The following MAML3 variants were observed in gnomAD, a reference collection of about 807,000 sequenced individuals.
MAML3 encodes the protein mastermind-like protein 3.
Under a neutral mutation model 101.9 loss-of-function variants are expected in MAML3, and 27 were observed. That is an observed-to-expected ratio of 0.27 (90% CI 0.20 to 0.37). MAML3 has a LOEUF of 0.37. Ranked by LOEUF, MAML3 falls within the 10% of genes least tolerant of loss-of-function variation. MAML3 has a pLI of 1.00. For synonymous variants in MAML3, 501 were observed against 555.9 expected, an observed-to-expected ratio of 0.90 and a Z score of 1.39; for missense variants, 1,316 against 1,444.9, an observed-to-expected ratio of 0.91 and a Z score of 1.45.
intron 1 of MAML3, among the ~76,000 whole-genome samples, chr4:139,996,933 T>C (rs893894103): frequency 6.6e-6 from 1 of 151,988 alleles, no homozygotes; most frequent in Non-Finnish European, 1.5e-5. Flanking sequence ...GGTACGTGCC[T>C]GTAATCTCAG....
intron 2 of MAML3, among the ~76,000 whole-genome samples, chr4:139,746,550 G>T (rs777771483): frequency 3.3e-5 from 5 of 152,116 alleles, no homozygotes; most frequent in Non-Finnish European, 1.5e-5. Flanking sequence ...TCACCTATTT[G>T]TTCTGTCTTC....
chr4:139,805,924 G>A (rs906312183), intron 2 of MAML3, among the ~76,000 whole-genome samples: 5 of 152,094 alleles, frequency 3.3e-5, no homozygotes, highest in African/African-American at 1.2e-4. Flanking sequence ...TTCATTATCT[G>A]TTAAAAATAT....
intron 1 of MAML3, among the ~76,000 whole-genome samples, chr4:139,942,165 G>A (rs1388278796): frequency 1.4e-5 from 2 of 147,416 alleles, no homozygotes; most frequent in African/African-American, 5.1e-5. Flanking sequence ...ACGGAGGGAG[G>A]GAGGGAAGGC....
Position 139,970,372 on chromosome 4 carries a change from G to A in MAML3, c.469-79405C>T, listed in dbSNP as rs534258369. On this transcript the variant is annotated intron_variant, in intron 1 of 4. Coordinates refer to ENST00000509479, the MANE Select transcript of MAML3 (RefSeq NM_018717.5). ...ACAAAGGCAGGAGAGTAGCCAGGGG[G>A]ATTGAAGCACAGTCTGTGGAGGACT... Among the ~76,000 whole-genome samples the A allele has an allele frequency of 5.3e-5, 8 of 152,314 alleles. No homozygotes were observed. The South Asian group carries it at 1.7e-3, about 32-fold the overall frequency.
intron 1 of MAML3, among the ~76,000 whole-genome samples, chr4:139,939,559 G>C (rs1363005287): frequency 6.6e-6 from 1 of 151,896 alleles, no homozygotes; most frequent in Non-Finnish European, 1.5e-5. Flanking sequence ...TCAACAAGGG[G>C]GTCTTTGCTG....
At chr4:139,990,417 A>G (rs1734643977) in intron 1 of MAML3, among the ~76,000 whole-genome samples, 2 of 151,358 alleles carry the variant, frequency 1.3e-5, no homozygotes, top group Non-Finnish European at 2.9e-5. Context: ...AATAAGAGCT[A>G]TCTATGACAA....
chr4:139,754,784 T>C (rs1157313175), intron 2 of MAML3, among the ~76,000 whole-genome samples: 1 of 152,332 alleles, frequency 6.6e-6, no homozygotes, highest in Admixed American at 6.5e-5. Flanking sequence ...CCCAGTGCAA[T>C]TGTGATTCTT....
chr4:140,136,595 T>C (rs1270179884), intron 1 of MAML3, among the ~76,000 whole-genome samples: 1 of 152,242 alleles, frequency 6.6e-6, no homozygotes, highest in Non-Finnish European at 1.5e-5. Context: ...AGGAGTAATT[T>C]AACCGAACCC....
chr4:139,968,649 G>C (rs145562187), intron 1 of MAML3, among the ~76,000 whole-genome samples: 1 of 152,106 alleles, frequency 6.6e-6, no homozygotes. Context: ...CCATTTTACA[G>C]ATGAGGACAC....
chr4:139,848,561 T>C (rs1372732361), intron 2 of MAML3, among the ~76,000 whole-genome samples: 1 of 152,230 alleles, frequency 6.6e-6, no homozygotes, highest in African/African-American at 2.4e-5. Flanking sequence ...AATTTTCTTA[T>C]TTTTGCCAAT....
chr4:139,810,393 T>C (rs1259336648), intron 2 of MAML3, among the ~76,000 whole-genome samples: 2 of 152,076 alleles, frequency 1.3e-5, no homozygotes, highest in Non-Finnish European at 2.9e-5. Context: ...TCTAGCTATG[T>C]TGCCCAGGCT....
chr4:140,015,819 G>A (rs1726632985), intron 1 of MAML3, among the ~76,000 whole-genome samples: 1 of 152,142 alleles, frequency 6.6e-6, no homozygotes, highest in African/African-American at 2.4e-5. Flanking sequence ...CACATGTGGT[G>A]GCACACGCTT....
At chr4:139,776,035 A>T (rs1400534526) in intron 2 of MAML3, among the ~76,000 whole-genome samples, 1 of 152,220 alleles carries the variant, frequency 6.6e-6, no homozygotes, top group East Asian at 1.9e-4. Context: ...TAAAAATCTT[A>T]CATAAATATT....
intron 2 of MAML3, among the ~76,000 whole-genome samples, chr4:139,868,356 T>G (rs1275778759): frequency 1.3e-5 from 2 of 152,258 alleles, no homozygotes; most frequent in Non-Finnish European, 2.9e-5. Flanking sequence ...AAGATTCATT[T>G]GACATTATGA....
At chr4:140,012,958 C>T (rs1222858859) in intron 1 of MAML3, among the ~76,000 whole-genome samples, 2 of 152,140 alleles carry the variant, frequency 1.3e-5, no homozygotes, top group Admixed American at 6.5e-5. Flanking sequence ...GATCAAGTGC[C>T]GGTATCCACG....
chr4:140,028,975 C>T (rs753716474), intron 1 of MAML3, among the ~76,000 whole-genome samples: 1 of 152,082 alleles, frequency 6.6e-6, no homozygotes, highest in African/African-American at 2.4e-5. Flanking sequence ...TTTTAGACTG[C>T]GTCTGGTTTT....
chr4:139,889,484 GGCTGCT>G lies in MAML3; in HGVS notation c.1946_1951del (p.Gln649_Gln650del), dbSNP rs533638458. Reference sequence around the variant, plus strand: ...GGGGGCCTGGAGCTGTGGAGGTGGCGGCTGCTGCTGCTGCTGCTGCTGCTGTTGCTG... The same window carrying G: ...GGGGGCCTGGAGCTGTGGAGGTGGCGGCTGCTGCTGCTGCTGCTGTTGCTG... On this transcript the variant is annotated inframe_deletion, in exon 2 of 5. Coordinates refer to ENST00000509479, the MANE Select transcript of MAML3 (RefSeq NM_018717.5). 7 of 1,457,976 alleles carry G rather than the reference GGCTGCT, an allele frequency of 4.8e-6. No homozygotes were observed. In the African/African-American group the frequency reaches 5.4e-5, roughly 11 times the overall value. The allele number at this position is 1,457,976 out of a possible 1,614,324, so 90.3% of individuals were successfully genotyped here. A position where few individuals can be genotyped will look rare whatever the true frequency, so the allele number is the denominator to read the frequency against.
intron 1 of MAML3, among the ~76,000 whole-genome samples, chr4:139,946,919 ACACACACTCT>A (rs1167326053): frequency 8.0e-4 from 61 of 76,366 alleles, no homozygotes; most frequent in African/African-American, 2.5e-3. Context: ...ACACACACAC[ACACACACTCT>A]CTCTCTCTCT....
chr4:139,855,678 A>T (rs1731646454), intron 2 of MAML3, among the ~76,000 whole-genome samples: 1 of 152,210 alleles, frequency 6.6e-6, no homozygotes, highest in African/African-American at 2.4e-5. Flanking sequence ...GCTTTTATAT[A>T]CATTATCTCA....
Sources: allele counts gnomAD v4.1 joint callset (sites outside exome capture counted in the v4.1 genomes callset), GRCh38; gene constraint gnomAD v4.1.1; transcripts MANE v1.5; gene names NCBI Gene and HGNC (gene_info 2026-07-23, HGNC 2026-07-21).